Variants in NPR3 observed in about 807,000 individuals in gnomAD.
NPR3 encodes natriuretic peptide receptor 3.
In NPR3, 34 loss-of-function variants were observed where a neutral mutation model predicts 54.5. That is an observed-to-expected ratio of 0.62 (90% CI 0.47 to 0.83). The LOEUF is 0.83. NPR3 is among the 40% of genes least tolerant of loss of function. The pLI, the probability that NPR3 is intolerant of heterozygous loss-of-function variation, is 0.00. For synonymous variants in NPR3, 289 were observed against 297.1 expected (o/e 0.97, Z 0.28); for missense variants, 674 against 720.8 (o/e 0.94, Z 0.74).
intron 1 of NPR3, 107 bp downstream of exon 1, chr5:32,712,652 A>C (rs1206093083): frequency 9.0e-7 from 1 of 1,110,686 alleles, no homozygotes; most frequent in Non-Finnish European, 1.3e-6. Flanking sequence ...TGCGGCGCTG[A>C]GGTCGGGTGC....
intron 1 of NPR3, among the ~76,000 whole-genome samples, chr5:32,699,563 T>C (rs1740615300): frequency 6.6e-6 from 1 of 152,216 alleles, no homozygotes; most frequent in Non-Finnish European, 1.5e-5. Context: ...ACATGCAGTG[T>C]TTGGAAAAAC....
At chr5:32,753,604 C>A (rs1294941047) in intron 3 of NPR3, among the ~76,000 whole-genome samples, 1 of 147,948 alleles carries the variant, frequency 6.8e-6, no homozygotes, top group Non-Finnish European at 1.5e-5. Context: ...TGCCTCTGAG[C>A]ACCTCAGGGT....
intron 7 of NPR3, among the ~76,000 whole-genome samples, chr5:32,785,751 G>A (rs1742584325): frequency 6.6e-6 from 1 of 152,202 alleles, no homozygotes; most frequent in Non-Finnish European, 1.5e-5. Flanking sequence ...TCTGCCCCGT[G>A]AGGGTGGCCC....
intron 7 of NPR3, 53 bp from the exon 8 acceptor site, chr5:32,786,181 C>T: frequency 1.4e-6 from 1 of 732,298 alleles, no homozygotes; most frequent in South Asian, 1.7e-5. Context: ...TAAGAGAAAC[C>T]ATGGTATTTT....
chr5:32,708,362 T>G (rs1738052572), upstream of NPR3, among the ~76,000 whole-genome samples: 1 of 152,188 alleles, frequency 6.6e-6, no homozygotes, highest in Non-Finnish European at 1.5e-5. Flanking sequence ...GATTCATTTT[T>G]GTGATTAAAG....
chr5:32,787,221 T>G lies in NPR3; in HGVS notation c.*876T>G, dbSNP rs973400702. ...CTCTTTTTCTCCCTGTTTCCCTTTT[T>G]CCCTTGGCCACAGCCAAATGCTAAT... On this transcript the variant is annotated 3_prime_UTR_variant, in exon 8 of 8. Coordinates refer to ENST00000265074, the MANE Select transcript of NPR3 (RefSeq NM_001204375.2). The G allele has an allele frequency of 6.6e-6, 1 of 152,616 alleles. No individual in the cohort carries two copies. The highest frequency in any genetic ancestry group is 2.4e-5 in the African/African-American group (1 of 41,452). 9.5% of individuals were successfully genotyped at this position (152,616 alleles called of 1,614,324 possible). A position where few individuals can be genotyped will look rare whatever the true frequency, so the allele number is the denominator to read the frequency against.
chr5:32,785,674 C>G (rs1278052336), intron 7 of NPR3, among the ~76,000 whole-genome samples: 3 of 152,180 alleles, frequency 2.0e-5, no homozygotes, highest in Admixed American at 6.5e-5. Flanking sequence ...GCTCATTTGC[C>G]ACTGTGGTTA....
rs1290483606 is a variant in NPR3 at position 32,780,710 on chromosome 5, C to G, written c.1196-12C>G. The G allele has an allele frequency of 7.8e-7, 1 of 1,277,536 alleles. No individual in the cohort carries two copies. Among genetic ancestry groups the G allele is most frequent in the South Asian group, 1.2e-5 (1 of 84,272 alleles). The allele number at this position is 1,277,536 out of a possible 1,614,324, so 79.1% of individuals were successfully genotyped here. A position where few individuals can be genotyped will look rare whatever the true frequency, so the allele number is the denominator to read the frequency against. ...GTAACCAACGTTGAGTTCTTCGCTT[C>G]TGGTCCTGTAGGTATCGCCGGGCAG... is the stretch of plus-strand genomic sequence containing the variant. On this transcript the variant is annotated splice_polypyrimidine_tract_variant and intron_variant, in intron 4 of 7. Coordinates refer to ENST00000265074, the MANE Select transcript of NPR3 (RefSeq NM_001204375.2).
At position 32,770,295 on chromosome 5, in the gene NPR3, T is replaced by G. The variant is rs917221002; in HGVS notation, c.1060-4413T>G. On this transcript the variant is annotated intron_variant, in intron 3 of 7. Coordinates refer to ENST00000265074, the MANE Select transcript of NPR3 (RefSeq NM_001204375.2). ...AAATACAAAAATTAACCGGGCATGG[T>G]GGTGCACACCTGTAATCCCAGCTAC... 2.6e-5 allele frequency among the ~76,000 whole-genome samples: 4 copies of G among 152,050 alleles called. 1 individual carries two copies. The South Asian group carries it at 8.3e-4, about 32-fold the overall frequency.
At chr5:32,710,878 C>G, upstream of NPR3, 1 of 1,063,000 alleles carries the variant, frequency 9.4e-7, no homozygotes, top group Admixed American at 4.2e-5. Context: ...TTTTTTTGCA[C>G]GGTGTGTGTG....
At chr5:32,758,893 T>C (rs1460385139) in intron 3 of NPR3, among the ~76,000 whole-genome samples, 1 of 152,220 alleles carries the variant, frequency 6.6e-6, no homozygotes, top group Non-Finnish European at 1.5e-5. Context: ...GGTTGTTCAG[T>C]TTCCATGTAG....
At chr5:32,701,691 T>C (rs991892092) in intron 1 of NPR3, among the ~76,000 whole-genome samples, 1 of 152,172 alleles carries the variant, frequency 6.6e-6, no homozygotes, top group African/African-American at 2.4e-5. Flanking sequence ...ACTTGGGTAT[T>C]GTAATCTAAG....
At position 32,789,421 on chromosome 5, in the gene NPR3, C is replaced by A. The variant is rs1173666238; in HGVS notation, c.*3076C>A. ...GGTTTCATGAGAAGGTCCCTGAAAACATCACATTTCTCTGAAGAACCATCA... is the reference window on the plus strand; with the variant it reads ...GGTTTCATGAGAAGGTCCCTGAAAAAATCACATTTCTCTGAAGAACCATCA... On this transcript the variant is annotated 3_prime_UTR_variant, in exon 8 of 8. Transcript: ENST00000265074. 3.8e-6 allele frequency: 2 copies of A among 526,876 alleles called. No individual in the cohort carries two copies. The highest frequency in any genetic ancestry group is 3.9e-5 in the African/African-American group (2 of 51,432). 32.6% of individuals were successfully genotyped at this position (526,876 alleles called of 1,614,324 possible). A position where few individuals can be genotyped will look rare whatever the true frequency, so the allele number is the denominator to read the frequency against.
intron 2 of NPR3, among the ~76,000 whole-genome samples, chr5:32,734,819 T>G (rs1299114973): frequency 6.6e-6 from 1 of 152,174 alleles, no homozygotes; most frequent in Non-Finnish European, 1.5e-5. Flanking sequence ...TAGTCACACA[T>G]GTGGCTAGTG....
chr5:32,780,806 G>C lies in NPR3; in HGVS notation c.1280G>C (p.Gly427Ala). 1 of 1,546,632 alleles carries C rather than the reference G, an allele frequency of 6.5e-7. No homozygotes were observed. Among genetic ancestry groups the C allele is most frequent in the Non-Finnish European group, 8.9e-7 (1 of 1,118,660 alleles). The change falls in exon 5 of 8, where the codon GGC becomes GCC. Residue 427 changes from glycine to alanine, a missense_variant. Coordinates refer to ENST00000265074, the MANE Select transcript of NPR3 (RefSeq NM_001204375.2). ...ATTGCCATGACTGATGTGGAGGCGG[G>C]CACCCAGGAGGTGAGCACGTGAGAC... is the stretch of plus-strand genomic sequence containing the variant. ...SVIAMTDVEAGTQEVIGDYFG... is the reference protein window; with the variant it reads ...SVIAMTDVEAATQEVIGDYFG...
At chr5:32,763,624 T>A (rs1248535072) in intron 3 of NPR3, among the ~76,000 whole-genome samples, 1 of 152,046 alleles carries the variant, frequency 6.6e-6, no homozygotes, top group South Asian at 2.1e-4. Flanking sequence ...TCTTTGGCCA[T>A]CTTTTTGAAA....
chr5:32,777,128 C>T (rs1436938596), intron 4 of NPR3, among the ~76,000 whole-genome samples: 1 of 152,206 alleles, frequency 6.6e-6, no homozygotes, highest in African/African-American at 2.4e-5. Flanking sequence ...CCAGATCATG[C>T]GGACCTGCAA....
chr5:32,784,481 C>G (rs1209254693), intron 6 of NPR3, among the ~76,000 whole-genome samples: 1 of 152,152 alleles, frequency 6.6e-6, no homozygotes, highest in Admixed American at 6.5e-5. Context: ...AAGAGAGTGG[C>G]TATATCTGAA....
At chr5:32,733,759 TAA>T (rs1363423003) in intron 2 of NPR3, among the ~76,000 whole-genome samples, 1 of 152,250 alleles carries the variant, frequency 6.6e-6, no homozygotes, top group Non-Finnish European at 1.5e-5. Context: ...TAACAGCTGC[TAA>T]ACAGCTTTTG....
Sources: gnomAD v4.1 joint callset for allele counts (sites outside exome capture counted in the v4.1 genomes callset) on GRCh38, gnomAD v4.1.1 for gene constraint, MANE v1.5 for transcripts, NCBI Gene and HGNC (gene_info 2026-07-23, HGNC 2026-07-21) for gene names.